The following PIP5K1B variants were observed in gnomAD, a reference collection of about 807,000 sequenced individuals.
The protein encoded by PIP5K1B is phosphatidylinositol-4-phosphate 5-kinase type 1 beta, also known as phosphatidylinositol 4-phosphate 5-kinase type-1 beta.
In PIP5K1B, 42 loss-of-function variants were observed where a neutral mutation model predicts 67.0. The observed-to-expected ratio is 0.63, with a 90% CI of 0.49 to 0.81. PIP5K1B has a LOEUF of 0.81. Among genes scored for constraint, PIP5K1B ranks in the 30% least tolerant of loss-of-function variants. The pLI is 0.00. For synonymous variants in PIP5K1B, 214 were observed against 231.4 expected (o/e 0.92, Z 0.68); for missense variants, 459 against 646.3 (o/e 0.71, Z 3.14).
In PIP5K1B at chr9:68,722,777, A is replaced by G. The variant is rs547707667; in HGVS notation, c.-243+17015A>G. ...TAATGATCAAATCAGGGTAATGAGG[A>G]TATCACCTCAAACATTTTTCATTGT... On this transcript the variant is annotated intron_variant, in intron 1 of 15. Coordinates refer to ENST00000265382, the MANE Select transcript of PIP5K1B (RefSeq NM_003558.4). Among the ~76,000 whole-genome samples the G allele has an allele frequency of 2.6e-5, 4 of 152,180 alleles. No homozygotes were observed. The East Asian group carries it at 7.7e-4, about 29-fold the overall frequency.
chr9:68,747,936 T>C (rs1041115887), intron 2 of PIP5K1B, among the ~76,000 whole-genome samples: 26 of 152,202 alleles, frequency 1.7e-4, no homozygotes, highest in Admixed American at 2.0e-4. Flanking sequence ...AACATAAAAT[T>C]AACCATTTTA....
intron 2 of PIP5K1B, among the ~76,000 whole-genome samples, chr9:68,743,582 G>T (rs182739403): frequency 1.3e-5 from 2 of 152,170 alleles, no homozygotes; most frequent in Non-Finnish European, 2.9e-5. Flanking sequence ...TTCACATGGT[G>T]TAGATTTGGT....
At chr9:68,772,623 T>A (rs1830721648) in intron 2 of PIP5K1B, among the ~76,000 whole-genome samples, 1 of 152,168 alleles carries the variant, frequency 6.6e-6, no homozygotes, top group Admixed American at 6.5e-5. Flanking sequence ...ACACACAGAT[T>A]CTGCTGGCAA....
intron 2 of PIP5K1B, among the ~76,000 whole-genome samples, chr9:68,768,391 T>C (rs1396146949): frequency 6.6e-6 from 1 of 152,230 alleles, no homozygotes; most frequent in Non-Finnish European, 1.5e-5. Context: ...GGCTGCCCTT[T>C]TTCAGAGACC....
intron 6 of PIP5K1B, among the ~76,000 whole-genome samples, chr9:68,886,222 C>A (rs1046711695): frequency 2.0e-5 from 3 of 152,088 alleles, no homozygotes; most frequent in Non-Finnish European, 4.4e-5. Context: ...GTTCTTTAAG[C>A]CCCTGCTTCT....
intron 4 of PIP5K1B, among the ~76,000 whole-genome samples, chr9:68,858,237 G>A (rs889907356): frequency 1.3e-5 from 2 of 152,094 alleles, no homozygotes; most frequent in African/African-American, 4.8e-5. Context: ...GCCTCCCAAA[G>A]TGCTGGGATT....
chr9:68,935,421 T>C (rs1270260994), intron 13 of PIP5K1B, among the ~76,000 whole-genome samples: 1 of 152,154 alleles, frequency 6.6e-6, no homozygotes, highest in Non-Finnish European at 1.5e-5. Context: ...TGAGCTGAGA[T>C]TGCACCATTG....
At chr9:68,716,241 AC>A in intron 1 of PIP5K1B, among the ~76,000 whole-genome samples, 1 of 152,234 alleles carries the variant, frequency 6.6e-6, no homozygotes, top group African/African-American at 2.4e-5. Flanking sequence ...GTTACATCTG[AC>A]TTGCTCTGCA....
At chr9:68,984,750 A>T (rs1376476149) in intron 14 of PIP5K1B, among the ~76,000 whole-genome samples, 1 of 152,196 alleles carries the variant, frequency 6.6e-6, no homozygotes, top group Non-Finnish European at 1.5e-5. Flanking sequence ...AAGAACAAAG[A>T]TCTCCACAGC....
chr9:68,975,211 G>A (rs927719470), intron 14 of PIP5K1B, among the ~76,000 whole-genome samples: 7 of 152,126 alleles, frequency 4.6e-5, no homozygotes, highest in African/African-American at 1.7e-4. Flanking sequence ...TGGGACTATA[G>A]GTGTGTGCCA....
intron 1 of PIP5K1B, among the ~76,000 whole-genome samples, chr9:68,726,856 T>C (rs1333855441): frequency 6.6e-6 from 1 of 152,190 alleles, no homozygotes; most frequent in Non-Finnish European, 1.5e-5. Context: ...TGGTGGCTCA[T>C]TGTAGCTTTA....
At chr9:68,874,839 G>A (rs1587598169) in intron 5 of PIP5K1B, among the ~76,000 whole-genome samples, 1 of 152,142 alleles carries the variant, frequency 6.6e-6, no homozygotes, top group East Asian at 1.9e-4. Flanking sequence ...AGAACCTAAG[G>A]CCTTGTGGTT....
intron 6 of PIP5K1B, among the ~76,000 whole-genome samples, chr9:68,882,021 G>T (rs145847668): frequency 6.6e-6 from 1 of 152,192 alleles, no homozygotes; most frequent in Admixed American, 6.5e-5. Context: ...ATTTACACTG[G>T]CAGGGCCCAG....
At chr9:68,723,859 C>G (rs547205537) in intron 1 of PIP5K1B, among the ~76,000 whole-genome samples, 6 of 152,052 alleles carry the variant, frequency 3.9e-5, no homozygotes, top group African/African-American at 1.2e-4. Flanking sequence ...TGTGCAGAAG[C>G]TTTTCAGCTT....
intron 15 of PIP5K1B, among the ~76,000 whole-genome samples, chr9:69,007,593 C>A (rs537181463): frequency 6.6e-6 from 1 of 152,166 alleles, no homozygotes; most frequent in Non-Finnish European, 1.5e-5. Context: ...TGAGGTGGCT[C>A]ACGCCTGTAA....
intron 1 of PIP5K1B, among the ~76,000 whole-genome samples, chr9:68,727,206 C>G (rs1828195413): frequency 6.6e-6 from 1 of 152,080 alleles, no homozygotes; most frequent in African/African-American, 2.4e-5. Flanking sequence ...CCTAGAGATT[C>G]AAGCATGGTA....
intron 14 of PIP5K1B, among the ~76,000 whole-genome samples, chr9:68,980,877 A>G (rs899502214): frequency 1.3e-5 from 2 of 152,026 alleles, no homozygotes; most frequent in African/African-American, 4.8e-5. Flanking sequence ...CAAAAAAAAG[A>G]CTCCATTTAA....
chr9:68,757,835 C>G (rs1830001793), intron 2 of PIP5K1B, among the ~76,000 whole-genome samples: 1 of 151,990 alleles, frequency 6.6e-6, no homozygotes, highest in South Asian at 2.1e-4. Flanking sequence ...GAAGTAAACA[C>G]AGTTTACTCT....
chr9:68,914,473 T>C (rs958198848), intron 8 of PIP5K1B, among the ~76,000 whole-genome samples: 2 of 152,190 alleles, frequency 1.3e-5, no homozygotes, highest in Non-Finnish European at 1.5e-5. Flanking sequence ...CCCAGCACTT[T>C]GGGAGGCTGA....
Sources: gnomAD v4.1 joint callset for allele counts (sites outside exome capture counted in the v4.1 genomes callset) on GRCh38, gnomAD v4.1.1 for gene constraint, MANE v1.5 for transcripts, NCBI Gene and HGNC (gene_info 2026-07-23, HGNC 2026-07-21) for gene names.